The following GALNT7 variants were observed in gnomAD, a reference collection of about 807,000 sequenced individuals.
GALNT7 encodes the protein N-acetylgalactosaminyltransferase 7.
A neutral mutation model predicts 82.1 loss-of-function variants in GALNT7; 60 were observed. That is an observed-to-expected ratio of 0.73 (90% CI 0.59 to 0.91). The LOEUF (loss-of-function observed/expected upper bound fraction) is 0.91. Ranked by LOEUF, GALNT7 falls within the 40% of genes least tolerant of loss-of-function variation. The pLI is 0.00. For missense variants in GALNT7, 660 were observed against 804.2 expected, an observed-to-expected ratio of 0.82 and a Z score of 2.17; for synonymous variants, 243 against 275.1, an observed-to-expected ratio of 0.88 and a Z score of 1.15.
At chr4:173,196,313 C>T (rs758408960) in intron 1 of GALNT7, among the ~76,000 whole-genome samples, 4 of 151,804 alleles carry the variant, frequency 2.6e-5, no homozygotes, top group Non-Finnish European at 5.9e-5. Context: ...TTAATAGAGA[C>T]GGGGTTTCGC....
chr4:173,260,873 T>C (rs1044390587), intron 2 of GALNT7, among the ~76,000 whole-genome samples: 4 of 152,234 alleles, frequency 2.6e-5, no homozygotes, highest in African/African-American at 9.6e-5. Context: ...GATGATGATT[T>C]ACTCAATTTT....
intron 2 of GALNT7, among the ~76,000 whole-genome samples, chr4:173,267,019 G>A (rs1735528036): frequency 3.9e-5 from 6 of 151,940 alleles, no homozygotes; most frequent in Admixed American, 3.9e-4. Flanking sequence ...CAATAGGACA[G>A]CAGGTGACCA....
chr4:173,197,432 G>A (rs1241007567), intron 1 of GALNT7, among the ~76,000 whole-genome samples: 1 of 152,056 alleles, frequency 6.6e-6, no homozygotes, highest in African/African-American at 2.4e-5. Context: ...TAATTTACTT[G>A]TTAATCAATT....
chr4:173,242,768 G>A (rs944999909), intron 1 of GALNT7, among the ~76,000 whole-genome samples: 30 of 152,178 alleles, frequency 2.0e-4, no homozygotes, highest in Non-Finnish European at 3.4e-4. Context: ...GGGAGCCCCA[G>A]CCTACTGGCA....
chr4:173,183,478 AT>A (rs569998271), intron 1 of GALNT7, among the ~76,000 whole-genome samples: 113 of 147,104 alleles, frequency 7.7e-4, no homozygotes, highest in East Asian at 2.4e-3. Context: ...CGTGGGCTTA[AT>A]TTTTTTTTTT....
chr4:173,186,278 C>T (rs114533313), intron 1 of GALNT7, among the ~76,000 whole-genome samples: 9 of 152,240 alleles, frequency 5.9e-5, no homozygotes, highest in Admixed American at 2.6e-4. Context: ...TGGCAGCTGG[C>T]GGATTAAAAA....
chr4:173,281,351 A>C (rs56190041), intron 2 of GALNT7, among the ~76,000 whole-genome samples: 1 of 151,898 alleles, frequency 6.6e-6, no homozygotes, highest in African/African-American at 2.4e-5. Flanking sequence ...ATGGGGACTT[A>C]TCTCCATTTT....
chr4:173,203,426 T>G (rs1298459938), intron 1 of GALNT7, among the ~76,000 whole-genome samples: 1 of 152,212 alleles, frequency 6.6e-6, no homozygotes, highest in Non-Finnish European at 1.5e-5. Context: ...CCACTGTGTA[T>G]TTTTTGAGTG....
chr4:173,202,844 G>A (rs1262193754), intron 1 of GALNT7, among the ~76,000 whole-genome samples: 1 of 152,060 alleles, frequency 6.6e-6, no homozygotes, highest in Non-Finnish European at 1.5e-5. Context: ...GTATTTAGGT[G>A]TGCTAATGTT....
intron 1 of GALNT7, among the ~76,000 whole-genome samples, chr4:173,220,736 G>A (rs1733618868): frequency 6.8e-6 from 1 of 146,314 alleles, no homozygotes; most frequent in South Asian, 2.1e-4. Context: ...CCACCTATGA[G>A]TGAGAATATG....
intron 1 of GALNT7, among the ~76,000 whole-genome samples, chr4:173,239,905 A>T (rs1179023955): frequency 2.0e-5 from 3 of 152,232 alleles, no homozygotes; most frequent in Non-Finnish European, 4.4e-5. Flanking sequence ...GTTTGGATGA[A>T]CTAAATTTTG....
intron 1 of GALNT7, among the ~76,000 whole-genome samples, chr4:173,223,386 C>T (rs1311209961): frequency 6.6e-6 from 1 of 151,954 alleles, no homozygotes; most frequent in East Asian, 1.9e-4. Flanking sequence ...CAAGATATAA[C>T]CTGAGTTATA....
At chr4:173,212,937 G>A (rs1733328777) in intron 1 of GALNT7, among the ~76,000 whole-genome samples, 1 of 151,732 alleles carries the variant, frequency 6.6e-6, no homozygotes, top group Admixed American at 6.6e-5. Context: ...CTAAAACTTG[G>A]AACCACAACC....
chr4:173,242,210 A>G (rs1428573345), intron 1 of GALNT7, among the ~76,000 whole-genome samples: 1 of 152,182 alleles, frequency 6.6e-6, no homozygotes, highest in Non-Finnish European at 1.5e-5. Context: ...AAGAAAGGGA[A>G]AAAAAAGATA....
intron 1 of GALNT7, among the ~76,000 whole-genome samples, chr4:173,241,236 AAAG>A: frequency 6.6e-6 from 1 of 151,954 alleles, no homozygotes; most frequent in Non-Finnish European, 1.5e-5. Context: ...GAAAGAAAGA[AAAG>A]AAATAGTTGA....
At chr4:173,239,932 A>C (rs914439762) in intron 1 of GALNT7, among the ~76,000 whole-genome samples, 73 of 152,188 alleles carry the variant, frequency 4.8e-4, no homozygotes, top group African/African-American at 1.7e-3. Context: ...ATTGTACTAT[A>C]TACTTCTGAG....
intron 8 of GALNT7, among the ~76,000 whole-genome samples, chr4:173,307,387 TG>T (rs1737200024): frequency 6.6e-6 from 1 of 152,248 alleles, no homozygotes; most frequent in Admixed American, 6.5e-5. Flanking sequence ...ACCAGATGTT[TG>T]TGAGACAGCT....
At chr4:173,228,778 T>TG (rs1282833269) in intron 1 of GALNT7, among the ~76,000 whole-genome samples, 1 of 152,194 alleles carries the variant, frequency 6.6e-6, no homozygotes, top group Non-Finnish European at 1.5e-5. Context: ...TAAGAGCCAC[T>TG]GGTATGTTTA....
Position 173,194,214 on chromosome 4 carries a change from A to G in GALNT7, c.126+25253A>G, listed in dbSNP as rs182695204. ...CTTAGGAGACTAAGGATGTAAACTA[A>G]TTGGGGTTCTTATTGTCAGATTTAA... On this transcript the variant is annotated intron_variant, in intron 1 of 11. Coordinates refer to ENST00000265000, the MANE Select transcript of GALNT7 (RefSeq NM_017423.3). Among the ~76,000 whole-genome samples the G allele has an allele frequency of 2.6e-5, 4 of 152,220 alleles. No homozygotes were observed. The South Asian group carries it at 6.2e-4, about 24-fold the overall frequency.
Sources: allele counts gnomAD v4.1 joint callset (sites outside exome capture counted in the v4.1 genomes callset), GRCh38; gene constraint gnomAD v4.1.1; transcripts MANE v1.5; gene names NCBI Gene and HGNC (gene_info 2026-07-23, HGNC 2026-07-21).